The following ZNF541 variants were observed in gnomAD, a reference collection of about 807,000 sequenced individuals.
ZNF541 encodes zinc finger protein 541.
A neutral mutation model predicts 123.5 loss-of-function variants in ZNF541; 23 were observed. The ratio of observed to expected loss-of-function variants is 0.19; its 90% CI spans 0.13 to 0.26. The LOEUF (loss-of-function observed/expected upper bound fraction) is 0.26. Among genes scored for constraint, ZNF541 ranks in the 10% least tolerant of loss-of-function variants. ZNF541 has a pLI of 1.00. For missense variants in ZNF541, 1,612 were observed against 1,789.9 expected (o/e 0.90, Z 1.79); for synonymous variants, 751 against 754.5 (o/e 1.00, Z 0.08).
rs771725499 is a variant in ZNF541, at chr19:47,521,589, A to G, written c.3777T>C (p.Tyr1259=). 8.4e-6 allele frequency: 13 copies of G among 1,551,696 alleles called. No homozygotes were observed. Among genetic ancestry groups the G allele is most frequent in the Non-Finnish European group, 1.0e-5 (12 of 1,146,974 alleles). The change falls in exon 16 of 17, where the codon TAT becomes TAC. Residue 1259 remains tyrosine (Y), a synonymous_variant. Transcript: ENST00000391901. This position sits in a 1 kb window ranked among gnomAD's most constrained non-coding sequence, Gnocchi z 4.2. ...HPTPKLKTKS[Y]RRESILSSSP... ...TGGAGCTGAGGATGGACTCCCTCCT[A>G]TAACTCTTGGTCTTTAACTTGGGAG... is the stretch of plus-strand genomic sequence containing the variant.
intron 2 of ZNF541, among the ~76,000 whole-genome samples, chr19:47,561,381 T>C (rs1030343159): frequency 2.6e-5 from 4 of 152,022 alleles, no homozygotes; most frequent in African/African-American, 9.7e-5. Context: ...GAGGCTTCAT[T>C]GAGCTATGAT....
intron 8 of ZNF541, among the ~76,000 whole-genome samples, chr19:47,538,739 T>C (rs1969943717): frequency 6.6e-6 from 1 of 151,996 alleles, no homozygotes; most frequent in South Asian, 2.1e-4. Context: ...AGAGATACAG[T>C]GTGACGGTGA....
rs996856806 is a variant in ZNF541, at chr19:47,555,712, G to A, written c.145C>T (p.Leu49=). The A allele has an allele frequency of 6.4e-7, 1 of 1,551,760 alleles. No individual in the cohort carries two copies. The highest frequency in any genetic ancestry group is 1.2e-5 in the South Asian group (1 of 84,066). The part of the protein sequence containing the change: ...PNTRGFLYAG[L]SGLDPDPSLP... The stretch of plus-strand genomic sequence containing the variant: ...CTGGGGTCCGGGTCCAGACCACTCA[G>A]GCCAGCATAAAGAAAGCCTCGCGTG... The change falls in exon 3 of 17, where the codon CTG becomes TTG. Residue 49 remains leucine (L), a synonymous_variant. Coordinates refer to ENST00000391901, the MANE Select transcript of ZNF541 (RefSeq NM_001277075.3).
At chr19:47,522,049 G>C in intron 14 of ZNF541, 55 bp from the exon 15 acceptor site, 6 of 1,543,608 alleles carry the variant, frequency 3.9e-6, no homozygotes, top group Non-Finnish European at 5.2e-6. Flanking sequence ...CTGGGAGTGT[G>C]ACCTTGCCAT....
chr19:47,542,336 C>T (rs1970117265), intron 5 of ZNF541, among the ~76,000 whole-genome samples: 1 of 152,094 alleles, frequency 6.6e-6, no homozygotes, highest in Non-Finnish European at 1.5e-5. Flanking sequence ...GAATATACTA[C>T]AAATTACCCA....
chr19:47,567,670 G>GA (rs1047325495), intron 2 of ZNF541, among the ~76,000 whole-genome samples: 6 of 152,330 alleles, frequency 3.9e-5, no homozygotes, highest in East Asian at 1.9e-4. Context: ...AAATGTGAAA[G>GA]AAAAAATCAG....
At chr19:47,567,906 C>A (rs114798859) in intron 2 of ZNF541, among the ~76,000 whole-genome samples, 2,902 of 152,306 alleles carry the variant, frequency 0.019, 85 homozygotes, top group Middle Eastern at 0.054. Context: ...AGATTAATTT[C>A]TCCCTCCTCT....
chr19:47,536,225 T>G (rs908095116), intron 9 of ZNF541, among the ~76,000 whole-genome samples: 12 of 152,182 alleles, frequency 7.9e-5, no homozygotes, highest in African/African-American at 2.7e-4. Context: ...GTGGGTGTCA[T>G]GGCCATTATG....
intron 3 of ZNF541, among the ~76,000 whole-genome samples, chr19:47,550,634 G>A (rs534040583): frequency 2.6e-5 from 4 of 152,296 alleles, no homozygotes; most frequent in African/African-American, 7.2e-5. Context: ...GAGGTCAGAC[G>A]TCTTCAAATA....
At chr19:47,541,212 G>C (rs941400050) in intron 5 of ZNF541, among the ~76,000 whole-genome samples, 1 of 152,070 alleles carries the variant, frequency 6.6e-6, no homozygotes, top group Non-Finnish European at 1.5e-5. Context: ...CAGCCCAGGA[G>C]TTTGAGACCA....
chr19:47,545,654 G>A lies in ZNF541; in HGVS notation c.875C>T (p.Pro292Leu), dbSNP rs1970315660. Residue 292 changes from proline (P) to leucine (L), a missense_variant, in exon 5 of 17, where the codon CCA (proline) becomes CTA (leucine). Pro to Leu is a moderately conservative substitution (Grantham distance 98, BLOSUM62 -3). This residue lies in a region of ZNF541 where 1,080 missense variants were observed against 1,013.8 expected (regional missense o/e 1.07). Coordinates refer to ENST00000391901, the MANE Select transcript of ZNF541 (RefSeq NM_001277075.3). The surrounding 1 kb of genome is among the most constrained non-coding windows in gnomAD (Gnocchi z 7.5). ...IVHQKTPSPG[P>L]APAGASDSEG... ...GCTGTCTGAAGCCCCCGCCGGGGCT[G>A]GGCCAGGAGAAGGGGTCTTCTGGTG... 1.9e-6 allele frequency: 3 copies of A among 1,549,714 alleles called. No individual in the cohort carries two copies. The highest frequency in any genetic ancestry group is 2.0e-5 in the Admixed American group (1 of 50,982).
chr19:47,566,109 G>A (rs1418486568), intron 2 of ZNF541, among the ~76,000 whole-genome samples: 3 of 152,030 alleles, frequency 2.0e-5, no homozygotes, highest in East Asian at 1.9e-4. Flanking sequence ...CCCGGGAGGC[G>A]GAGGTTGCAG....
At chr19:47,559,811 C>G (rs1343350144) in intron 2 of ZNF541, among the ~76,000 whole-genome samples, 3 of 147,818 alleles carry the variant, frequency 2.0e-5, no homozygotes, top group African/African-American at 7.5e-5. Flanking sequence ...GATTGTGCCT[C>G]TGCACTCCAG....
At chr19:47,542,326 G>C (rs948190101) in intron 5 of ZNF541, among the ~76,000 whole-genome samples, 1 of 152,102 alleles carries the variant, frequency 6.6e-6, no homozygotes, top group Non-Finnish European at 1.5e-5. Flanking sequence ...ACGATCTTGT[G>C]AATATACTAC....
Position 47,545,728 on chromosome 19 carries a change from G to A in ZNF541, c.801C>T (p.Ser267=), listed in dbSNP as rs1169192462. 2.6e-6 allele frequency: 4 copies of A among 1,545,692 alleles called. No homozygotes were observed. The highest frequency in any genetic ancestry group is 3.5e-6 in the Non-Finnish European group (4 of 1,146,528). The change falls in exon 5 of 17, where the codon TCC becomes TCT. Residue 267 remains serine, a synonymous_variant. Coordinates refer to ENST00000391901, the MANE Select transcript of ZNF541 (RefSeq NM_001277075.3). This position sits in a 1 kb window ranked among gnomAD's most constrained non-coding sequence, Gnocchi z 7.5. ...LVPPEARSPG[S]LLPHRDLLRR... The stretch of plus-strand genomic sequence containing the variant: ...GCAGGAGGTCCCGGTGGGGCAGGAG[G>A]GAGCCGGGGGACCTGGCCTCTGGGG...
At chr19:47,532,816 A>G in intron 10 of ZNF541, 93 bp downstream of exon 10, 3 of 1,306,324 alleles carry the variant, frequency 2.3e-6, no homozygotes, top group Non-Finnish European at 3.2e-6. Flanking sequence ...AGTAAACCTG[A>G]ACCCCACCAT....
At chr19:47,537,436 C>T (rs530399051) in intron 9 of ZNF541, among the ~76,000 whole-genome samples, 27 of 151,220 alleles carry the variant, frequency 1.8e-4, no homozygotes, top group African/African-American at 9.7e-5. Context: ...TGATGGCGCA[C>T]GCCTGTAGTC....
intron 9 of ZNF541, among the ~76,000 whole-genome samples, chr19:47,536,430 G>T (rs1190388977): frequency 1.3e-5 from 2 of 152,110 alleles, no homozygotes; most frequent in Non-Finnish European, 2.9e-5. Context: ...TAGAGACGAG[G>T]TTTTGCCATG....
At chr19:47,525,917 C>CA (rs34123668) in intron 14 of ZNF541, among the ~76,000 whole-genome samples, 2,768 of 57,690 alleles carry the variant, frequency 0.048, 6 homozygotes, top group African/African-American at 0.053. Flanking sequence ...CTCCGTCTCA[C>CA]AAAAAAAAAA....
Sources: allele counts gnomAD v4.1 joint callset (sites outside exome capture counted in the v4.1 genomes callset), GRCh38; gene constraint gnomAD v4.1.1; regional missense constraint gnomAD v4.1.1; non-coding constraint Gnocchi (gnomAD v3.1); transcripts MANE v1.5; gene names NCBI Gene and HGNC (gene_info 2026-07-23, HGNC 2026-07-21).